EXOC6: variants seen among roughly 807,000 people sequenced by gnomAD.
The protein encoded by EXOC6 is exocyst complex component 6, also known as SEC15-like 1.
EXOC6 carries 60 observed loss-of-function variants against 112.5 expected under a neutral mutation model. The observed-to-expected ratio is 0.53, with a 90% CI of 0.43 to 0.66. The LOEUF (loss-of-function observed/expected upper bound fraction) is 0.66. Among genes scored for constraint, EXOC6 ranks in the 30% least tolerant of loss-of-function variants. EXOC6 has a pLI of 0.00. For missense variants in EXOC6, 855 were observed against 957.1 expected (o/e 0.89, Z 1.41); for synonymous variants, 295 against 308.0 (o/e 0.96, Z 0.44).
intron 9 of EXOC6, among the ~76,000 whole-genome samples, chr10:92,931,606 A>C (rs1482028856): frequency 6.6e-6 from 1 of 151,228 alleles, no homozygotes; most frequent in Admixed American, 6.6e-5. Context: ...TCTAGGAACA[A>C]AGCTGGATGG....
At chr10:92,984,123 A>G (rs903468826) in intron 18 of EXOC6, among the ~76,000 whole-genome samples, 13 of 152,156 alleles carry the variant, frequency 8.5e-5, no homozygotes, top group African/African-American at 2.9e-4. Flanking sequence ...AAAGCATAGT[A>G]TGCTTGCATT....
chr10:92,998,822 T>C (rs1001807765), intron 19 of EXOC6, among the ~76,000 whole-genome samples: 4 of 152,202 alleles, frequency 2.6e-5, no homozygotes, highest in Non-Finnish European at 5.9e-5. Context: ...ACCTTTATTA[T>C]ATTTCTTTCT....
intron 4 of EXOC6, among the ~76,000 whole-genome samples, chr10:92,897,860 T>C (rs1370247772): frequency 2.0e-5 from 3 of 152,186 alleles, no homozygotes; most frequent in Non-Finnish European, 4.4e-5. Flanking sequence ...AATATACATC[T>C]TACACGTATT....
intron 5 of EXOC6, among the ~76,000 whole-genome samples, chr10:92,909,133 C>G (rs1438715173): frequency 6.6e-6 from 1 of 151,978 alleles, no homozygotes; most frequent in Admixed American, 6.6e-5. Flanking sequence ...AACAATGATA[C>G]ATATTCATTT....
chr10:92,869,291 C>A (rs1388204974), intron 1 of EXOC6, among the ~76,000 whole-genome samples: 1 of 150,608 alleles, frequency 6.6e-6, no homozygotes, highest in Non-Finnish European at 1.5e-5. Context: ...CATGAGCCAC[C>A]ATGGCAGGCC....
chr10:92,836,165 T>C (rs1345074936), intron 1 of EXOC6, among the ~76,000 whole-genome samples: 1 of 152,204 alleles, frequency 6.6e-6, no homozygotes, highest in East Asian at 1.9e-4. Context: ...CCATTGCTGC[T>C]TCAGAGCCCT....
chr10:92,946,434 A>C (rs535737984), intron 13 of EXOC6, among the ~76,000 whole-genome samples: 1 of 152,066 alleles, frequency 6.6e-6, no homozygotes, highest in African/African-American at 2.4e-5. Context: ...CATTTATGCT[A>C]CTTCCTTTCT....
chr10:92,841,836 T>C (rs1846864619), intron 1 of EXOC6, among the ~76,000 whole-genome samples: 1 of 152,186 alleles, frequency 6.6e-6, no homozygotes, highest in Non-Finnish European at 1.5e-5. Flanking sequence ...ATTAGTTGAA[T>C]TAGGCATGAA....
rs183218845 is a variant in EXOC6 at position 92,890,885 on chromosome 10, G to A, written c.102-2464G>A. ...AAGATAAACTGGGTTTTGAGCAGAA[G>A]AGAGACATGGGCTTTGCCTTAGGTT... On this transcript the variant is annotated intron_variant, in intron 1 of 21. Coordinates refer to ENST00000260762, the MANE Select transcript of EXOC6 (RefSeq NM_019053.6). Among the ~76,000 whole-genome samples the A allele has an allele frequency of 2.9e-3, 439 of 152,276 alleles. 4 individuals carry two copies. Among genetic ancestry groups the A allele is most frequent in the Admixed American group, 7.8e-3 (119 of 15,292 alleles).
chr10:92,938,365 T>C (rs10466167), intron 12 of EXOC6, among the ~76,000 whole-genome samples: 119,125 of 151,988 alleles, frequency 0.78, 47,946 homozygotes, highest in East Asian at 1. Context: ...GTATTAGGTC[T>C]ATCTTATACT....
chr10:92,989,762 C>T (rs1843157031), intron 18 of EXOC6, among the ~76,000 whole-genome samples: 1 of 152,056 alleles, frequency 6.6e-6, no homozygotes, highest in Admixed American at 6.6e-5. Flanking sequence ...AACTGACCGG[C>T]CATCCAAAAA....
At chr10:92,943,105 T>C (rs2133980073) in intron 13 of EXOC6, among the ~76,000 whole-genome samples, 1 of 151,736 alleles carries the variant, frequency 6.6e-6, no homozygotes, top group South Asian at 2.1e-4. Context: ...CACTGCAATC[T>C]CCGCTTCCTG....
chr10:92,932,104 A>G (rs775119563), intron 9 of EXOC6, among the ~76,000 whole-genome samples: 2 of 152,188 alleles, frequency 1.3e-5, no homozygotes, highest in Non-Finnish European at 2.9e-5. Flanking sequence ...GTTTTATATA[A>G]TGGAACTACT....
At chr10:93,000,244 C>T (rs887783666) in intron 19 of EXOC6, among the ~76,000 whole-genome samples, 1 of 152,062 alleles carries the variant, frequency 6.6e-6, no homozygotes, top group African/African-American at 2.4e-5. Flanking sequence ...ATTTATTGCT[C>T]AAAGATGGAA....
chr10:92,842,070 T>TA (rs56813126), intron 1 of EXOC6, among the ~76,000 whole-genome samples: 103,780 of 150,588 alleles, frequency 0.69, 36,280 homozygotes, highest in Middle Eastern at 0.73. Context: ...CTATGAAGAA[T>TA]AAAAACCAGG....
intron 12 of EXOC6, among the ~76,000 whole-genome samples, chr10:92,940,070 G>T (rs1015244596): frequency 2.6e-5 from 4 of 152,100 alleles, no homozygotes; most frequent in African/African-American, 9.7e-5. Context: ...GCCTGTGGAA[G>T]TTAAAGACAT....
chr10:92,999,179 T>G (rs1329583522), intron 19 of EXOC6: 11 of 397,886 alleles, frequency 2.8e-5, no homozygotes, highest in Non-Finnish European at 5.3e-5. Context: ...TATTTTGTAT[T>G]TACAACAATA....
chr10:92,990,539 A>G (rs1196461853), intron 18 of EXOC6, among the ~76,000 whole-genome samples: 1 of 152,204 alleles, frequency 6.6e-6, no homozygotes, highest in Non-Finnish European at 1.5e-5. Flanking sequence ...GTAGACCTTA[A>G]TGAGAGTTAC....
At chr10:92,843,163 TGGG>T (rs1564764169) in intron 1 of EXOC6, among the ~76,000 whole-genome samples, 1 of 152,236 alleles carries the variant, frequency 6.6e-6, no homozygotes. Context: ...TTCTCCACCG[TGGG>T]GTCCAGATCT....
Sources: allele counts gnomAD v4.1 joint callset (sites outside exome capture counted in the v4.1 genomes callset), GRCh38; gene constraint gnomAD v4.1.1; transcripts MANE v1.5; gene names NCBI Gene and HGNC (gene_info 2026-07-23, HGNC 2026-07-21).